The following BRD3 variants were observed in gnomAD, a reference collection of about 807,000 sequenced individuals.
BRD3 encodes bromodomain containing 3, also known as bromodomain-containing protein 3.
Under a neutral mutation model 66.8 loss-of-function variants are expected in BRD3, and 17 were observed. The ratio of observed to expected loss-of-function variants is 0.25; its 90% CI spans 0.17 to 0.38. BRD3 has a LOEUF of 0.38. Among genes scored for constraint, BRD3 ranks in the 10% least tolerant of loss-of-function variants. The pLI is 1.00. For missense variants in BRD3, 713 were observed against 956.1 expected, an observed-to-expected ratio of 0.75 and a Z score of 3.35; for synonymous variants, 421 against 393.2, an observed-to-expected ratio of 1.07 and a Z score of -0.84.
At chr9:134,066,197 T>TGCTGAGGCACCGGGCC (rs1830648057) in intron 1 of BRD3, among the ~76,000 whole-genome samples, 1 of 152,150 alleles carries the variant, frequency 6.6e-6, no homozygotes, top group Admixed American at 6.5e-5. Context: ...CCCGGTGCCC[T>TGCTGAGGCACCGGGCC]GCTGAGGCAC....
intron 1 of BRD3, among the ~76,000 whole-genome samples, chr9:134,065,966 C>G (rs1477979652): frequency 1.3e-5 from 2 of 152,146 alleles, no homozygotes; most frequent in Non-Finnish European, 2.9e-5. Context: ...GAGTGTAGGG[C>G]AGGCACTGTT....
At chr9:134,052,550 C>T in intron 2 of BRD3, 107 bp from the exon 3 acceptor site, 1 of 1,323,522 alleles carries the variant, frequency 7.6e-7, no homozygotes, top group Non-Finnish European at 1.0e-6. Context: ...AGGACTGGGG[C>T]TGGCCCAGAG....
intron 1 of BRD3, among the ~76,000 whole-genome samples, chr9:134,063,739 A>C (rs1029533976): frequency 1.3e-5 from 2 of 151,350 alleles, no homozygotes; most frequent in African/African-American, 4.9e-5. Context: ...TCTGCCCCAG[A>C]CTCCAGGCCT....
At position 134,045,567 on chromosome 9, in the gene BRD3, G is replaced by A. The variant is rs1197611894; in HGVS notation, c.1087-146C>T. On this transcript the variant is annotated intron_variant, in intron 6 of 11. Coordinates refer to ENST00000303407, the MANE Select transcript of BRD3 (RefSeq NM_007371.4). The surrounding 1 kb of genome is among the most constrained non-coding windows in gnomAD (Gnocchi z 4.8). ...CTGGCCTGGCCGGCAGGACACCCCA[G>A]CTCTCTGGGACCTCGTACGAGGAAA... is the stretch of plus-strand genomic sequence containing the variant. The A allele has an allele frequency of 1.0e-5, 12 of 1,193,386 alleles. No individual in the cohort carries two copies. Among genetic ancestry groups the A allele is most frequent in the Non-Finnish European group, 1.3e-5 (11 of 843,022 alleles). 73.9% of individuals were successfully genotyped at this position (1,193,386 alleles called of 1,614,324 possible).
At chr9:134,058,749 A>G (rs1286744487) in intron 1 of BRD3, 3 of 152,310 alleles carry the variant, frequency 2.0e-5, no homozygotes, top group Non-Finnish European at 2.9e-5. Context: ...ACAGCCTTGT[A>G]TCAGCTGTAA....
chr9:134,052,840 G>A (rs1453154081), intron 2 of BRD3, among the ~76,000 whole-genome samples: 1 of 152,208 alleles, frequency 6.6e-6, no homozygotes, highest in African/African-American at 2.4e-5. Context: ...TTTGGGCCCA[G>A]GTCAAAAATG....
intron 1 of BRD3, chr9:134,056,848 G>A (rs1000787303): frequency 6.6e-6 from 1 of 152,350 alleles, no homozygotes; most frequent in African/African-American, 2.4e-5. Context: ...CATCCCCTCT[G>A]GGGCCGAGGG....
intron 1 of BRD3, chr9:134,057,442 G>C (rs1419226273): frequency 1.3e-5 from 2 of 152,262 alleles, no homozygotes; most frequent in South Asian, 4.1e-4. Flanking sequence ...GTGAGGTGAG[G>C]TGAGGTGGGA....
In BRD3 at chr9:134,050,544, G is replaced by T. The variant is rs147626213; in HGVS notation, c.544C>A (p.Pro182Thr). The T allele has an allele frequency of 1.0e-4, 166 of 1,604,866 alleles. No homozygotes were observed. The highest frequency in any genetic ancestry group is 1.2e-4 in the Non-Finnish European group (139 of 1,176,714). Residue 182 changes from proline (P) to threonine (T), a missense_variant, in exon 5 of 12, where the codon CCC becomes ACC. Physicochemically the swap from Pro to Thr is conservative, Grantham distance 38. Coordinates refer to ENST00000303407, the MANE Select transcript of BRD3 (RefSeq NM_007371.4). ...AAVSSVSPAT[P>T]FQSVPPTVSQ... ...ACGGTGGGGGGCACGCTCTGAAAGG[G>T]GGTCGCTGGGGAGACAGAGGACACG...
Position 134,033,646 on chromosome 9 carries a change from C to A in BRD3, c.2125G>T (p.Glu709Ter). 1 of 770,844 alleles carries A rather than the reference C, an allele frequency of 1.3e-6. No individual in the cohort carries two copies. The highest frequency in any genetic ancestry group is 1.4e-5 in the South Asian group (1 of 72,940). The allele number at this position is 770,844 out of a possible 1,614,324, so 47.8% of individuals were successfully genotyped here. A position where few individuals can be genotyped will look rare whatever the true frequency, so the allele number is the denominator to read the frequency against. The change falls in exon 12 of 12, where the codon GAG becomes TAG. Residue 709 changes from glutamate to a stop codon, truncating the protein, a stop_gained. Coordinates refer to ENST00000303407, the MANE Select transcript of BRD3 (RefSeq NM_007371.4). LOFTEE classifies it high-confidence loss of function. This position sits in a 1 kb window ranked among gnomAD's most constrained non-coding sequence, Gnocchi z 5.1. ...CCGCTGGAGCTGCTGCTCCCAGACT[C>A]GGAGGAGCTGCTGCTGCTGAGCCTG... ...PSRLSSSSSS[E>*]SGSSSSSGSS...
intron 7 of BRD3, among the ~76,000 whole-genome samples, chr9:134,043,507 CCCCAGGCTCTCATAT>C (rs1318632507): frequency 5.3e-5 from 8 of 152,318 alleles, no homozygotes; most frequent in Non-Finnish European, 1.0e-4. Context: ...GAGAAGCCCA[CCCCAGGCTCTCATAT>C]CCCAGGCTCT....
intron 1 of BRD3, among the ~76,000 whole-genome samples, chr9:134,056,438 C>A (rs1830427327): frequency 6.6e-6 from 1 of 152,208 alleles, no homozygotes; most frequent in South Asian, 2.1e-4. Context: ...ACAAACCCTG[C>A]CCTCTGAGAC....
chr9:134,041,492 T>C (rs1186609090), intron 8 of BRD3, among the ~76,000 whole-genome samples: 4 of 152,246 alleles, frequency 2.6e-5, no homozygotes, highest in Admixed American at 6.5e-5. Flanking sequence ...TAACCACACA[T>C]GACCCCTGAG....
Position 134,060,587 on chromosome 9 carries a change from G to GACACACACACACACACACAC in BRD3, c.-113-7017_-113-6998dup, listed in dbSNP as rs10661799. ...AGCCTGGATGTCAGAGCAAGACCCT[G>GACACACACACACACACACAC]ACACACACACACACACACACACACA... On this transcript the variant is annotated intron_variant, in intron 1 of 11. Transcript: ENST00000303407. Among the ~76,000 whole-genome samples the GACACACACACACACACACAC allele has an allele frequency of 1.9e-3, 271 of 143,866 alleles. 1 individual carries two copies. Among genetic ancestry groups the GACACACACACACACACACAC allele is most frequent in the African/African-American group, 6.7e-3 (256 of 38,214 alleles). 94.4% of individuals were successfully genotyped at this position (143,866 alleles called of 152,430 possible).
At chr9:134,066,121 C>T (rs1353925590) in intron 1 of BRD3, among the ~76,000 whole-genome samples, 3 of 152,182 alleles carry the variant, frequency 2.0e-5, no homozygotes, top group Admixed American at 2.0e-4. Flanking sequence ...CTTTTGAAAT[C>T]CCTCCTCCCC....
rs751851368 is a variant in BRD3 at position 134,034,654 on chromosome 9, C to A, written c.2065+47G>T. On this transcript the variant is annotated intron_variant, in intron 11 of 11. Transcript: ENST00000303407. ...GATGCTCAAACCCCTACTGCTGACA[C>A]CCCCCACCCCCCTAAAGAGGGGTGG... The A allele has an allele frequency of 6.9e-6, 11 of 1,595,582 alleles. No homozygotes were observed. In the African/African-American group the frequency reaches 1.2e-4, roughly 17 times the overall value.
At chr9:134,061,301 A>C (rs1830539816) in intron 1 of BRD3, among the ~76,000 whole-genome samples, 1 of 152,222 alleles carries the variant, frequency 6.6e-6, no homozygotes, top group South Asian at 2.1e-4. Flanking sequence ...CCCAGAGCAA[A>C]AAGTCCTTAT....
Position 134,033,831 on chromosome 9 carries a change from T to C in BRD3, c.2066-126A>G. The C allele has an allele frequency of 1.7e-6, 1 of 591,548 alleles. No individual in the cohort carries two copies. The highest frequency in any genetic ancestry group is 3.0e-6 in the Non-Finnish European group (1 of 330,168). The allele number at this position is 591,548 out of a possible 1,614,324, so 36.6% of individuals were successfully genotyped here. ...ACGACCCACCCACTTCCTGACCCAG[T>C]CGTTTAATAAGTATTTATTGAAATT... On this transcript the variant is annotated intron_variant, in intron 11 of 11. Transcript: ENST00000303407. The surrounding 1 kb of genome is among the most constrained non-coding windows in gnomAD (Gnocchi z 5.1).
Position 134,030,438 on chromosome 9 carries a change from C to T in BRD3, c.*3152G>A, listed in dbSNP as rs1044880009. ...TTCTGTTGTGTTGAGGCCAGCATTG[C>T]AATAAACAAGCTAAACTACTTACAT... On this transcript the variant is annotated 3_prime_UTR_variant, in exon 12 of 12. Coordinates refer to ENST00000303407, the MANE Select transcript of BRD3 (RefSeq NM_007371.4). 24 of 188,878 alleles carry T rather than the reference C, an allele frequency of 1.3e-4. No homozygotes were observed. Among genetic ancestry groups the T allele is most frequent in the Non-Finnish European group, 6.6e-5 (6 of 91,410 alleles). The allele number at this position is 188,878 out of a possible 1,614,324, so 11.7% of individuals were successfully genotyped here.
Sources: gnomAD v4.1 joint callset for allele counts (sites outside exome capture counted in the v4.1 genomes callset) on GRCh38, gnomAD v4.1.1 for gene constraint, Gnocchi (gnomAD v3.1) non-coding constraint, MANE v1.5 for transcripts, NCBI Gene and HGNC (gene_info 2026-07-23, HGNC 2026-07-21) for gene names.